The following NKAIN2 variants were observed in gnomAD, a reference collection of about 807,000 sequenced individuals.
NKAIN2 encodes the protein sodium/potassium-transporting ATPase subunit beta-1-interacting protein 2.
In NKAIN2, 14 loss-of-function variants were observed where a neutral mutation model predicts 32.6. The observed-to-expected ratio is 0.43, with a 90% CI of 0.28 to 0.67. The LOEUF is 0.67. Among genes scored for constraint, NKAIN2 ranks in the 30% least tolerant of loss-of-function variants. The pLI is 0.17. For synonymous variants in NKAIN2, 80 were observed against 87.2 expected (o/e 0.92, Z 0.46); for missense variants, 198 against 258.3 (o/e 0.77, Z 1.60).
chr6:123,823,594 G>T (rs1005698942), intron 1 of NKAIN2, among the ~76,000 whole-genome samples: 2 of 152,134 alleles, frequency 1.3e-5, no homozygotes, highest in Non-Finnish European at 1.5e-5. Context: ...TAGAGGTCAA[G>T]CTTATCAACT....
chr6:124,552,457 C>G (rs1780324603), intron 3 of NKAIN2, among the ~76,000 whole-genome samples: 1 of 152,218 alleles, frequency 6.6e-6, no homozygotes, highest in Non-Finnish European at 1.5e-5. Context: ...GTGGCCAACT[C>G]TGACCGTTTC....
At chr6:124,233,955 T>C (rs908899881) in intron 1 of NKAIN2, among the ~76,000 whole-genome samples, 8 of 152,186 alleles carry the variant, frequency 5.3e-5, no homozygotes, top group African/African-American at 1.9e-4. Flanking sequence ...TTTGAGTGAT[T>C]AGTTCTCAAT....
At chr6:124,671,181 A>T (rs1583618560) in intron 4 of NKAIN2, among the ~76,000 whole-genome samples, 1 of 152,102 alleles carries the variant, frequency 6.6e-6, no homozygotes, top group African/African-American at 2.4e-5. Context: ...CAACCCACAC[A>T]TCACAATTTA....
chr6:124,318,292 A>T (rs9491116), intron 2 of NKAIN2, among the ~76,000 whole-genome samples: 4,394 of 151,878 alleles, frequency 0.029, 193 homozygotes, highest in African/African-American at 0.1. Context: ...AATTTTGTCA[A>T]ACTTTGTCAC....
intron 1 of NKAIN2, among the ~76,000 whole-genome samples, chr6:123,875,199 C>CT (rs1554218270): frequency 3.3e-5 from 5 of 151,628 alleles, no homozygotes; most frequent in African/African-American, 9.7e-5. Context: ...TTTCTAAACA[C>CT]TTTTTTTTAC....
In NKAIN2 at chr6:124,563,142, A is replaced by G. The variant is rs187782741; in HGVS notation, c.274-95044A>G. On this transcript the variant is annotated intron_variant, in intron 3 of 6. Transcript: ENST00000368417. ...GCTGGTCTCAAACTCCTGACCTTGT[A>G]ATCTGCCCCCCTTGGCCTCCCAATG... Among the ~76,000 whole-genome samples, 316 of 150,512 alleles carry G rather than the reference A, an allele frequency of 2.1e-3. 1 individual carries two copies. Among genetic ancestry groups the G allele is most frequent in the East Asian group, 0.017 (90 of 5,144 alleles).
At chr6:123,993,596 A>G (rs550651546) in intron 1 of NKAIN2, among the ~76,000 whole-genome samples, 1 of 152,172 alleles carries the variant, frequency 6.6e-6, no homozygotes, top group Non-Finnish European at 1.5e-5. Flanking sequence ...AATACCGTGG[A>G]ATCAGTGAGA....
At chr6:124,033,488 T>A (rs770204134) in intron 1 of NKAIN2, among the ~76,000 whole-genome samples, 25 of 152,252 alleles carry the variant, frequency 1.6e-4, no homozygotes, top group Non-Finnish European at 2.5e-4. Flanking sequence ...ATCAATTATA[T>A]CTCACAGTTA....
intron 2 of NKAIN2, among the ~76,000 whole-genome samples, chr6:124,350,006 A>T (rs540502359): frequency 8.5e-4 from 130 of 152,306 alleles, no homozygotes; most frequent in African/African-American, 3.0e-3. Flanking sequence ...CAATATCTCA[A>T]AGTTTCTGTC....
chr6:124,581,165 C>T (rs575661920), intron 3 of NKAIN2, among the ~76,000 whole-genome samples: 3 of 152,224 alleles, frequency 2.0e-5, no homozygotes, highest in African/African-American at 7.2e-5. Context: ...TTGGGCCGGG[C>T]GCGGTGGCTC....
At chr6:124,524,606 C>A (rs1324542937) in intron 3 of NKAIN2, among the ~76,000 whole-genome samples, 1 of 152,098 alleles carries the variant, frequency 6.6e-6, no homozygotes, top group African/African-American at 2.4e-5. Context: ...AAAAGTAGGG[C>A]ATATGTTGTT....
chr6:124,382,082 C>G (rs538980585), intron 3 of NKAIN2, among the ~76,000 whole-genome samples: 1 of 151,314 alleles, frequency 6.6e-6, no homozygotes, highest in Non-Finnish European at 1.5e-5. Context: ...CTTTTTCTCT[C>G]ATTGTTAGAT....
chr6:124,236,157 C>G (rs953737905), intron 1 of NKAIN2, among the ~76,000 whole-genome samples: 4 of 151,830 alleles, frequency 2.6e-5, no homozygotes, highest in Non-Finnish European at 5.9e-5. Flanking sequence ...TCTATTAAAT[C>G]CATTTTTCTC....
chr6:124,673,523 G>A (rs568163167), intron 4 of NKAIN2, among the ~76,000 whole-genome samples: 46 of 151,926 alleles, frequency 3.0e-4, no homozygotes, highest in South Asian at 6.2e-4. Context: ...TCTCCACATC[G>A]TTGTCAACAC....
chr6:124,539,128 A>T (rs1445227540), intron 3 of NKAIN2, among the ~76,000 whole-genome samples: 1 of 152,214 alleles, frequency 6.6e-6, no homozygotes, highest in South Asian at 2.1e-4. Flanking sequence ...AGAGATTCAG[A>T]AAAATGTTTA....
intron 1 of NKAIN2, among the ~76,000 whole-genome samples, chr6:124,166,140 A>C (rs1339696960): frequency 2.2e-5 from 3 of 134,274 alleles, no homozygotes; most frequent in South Asian, 2.8e-4. Flanking sequence ...CCAACAGTGT[A>C]AAAGTGTTCC....
intron 3 of NKAIN2, among the ~76,000 whole-genome samples, chr6:124,570,777 C>T (rs1781097211): frequency 6.6e-6 from 1 of 152,160 alleles, no homozygotes; most frequent in African/African-American, 2.4e-5. Context: ...CATACAGAGT[C>T]CCTACTTGGG....
At chr6:124,679,404 T>C (rs945099466) in intron 4 of NKAIN2, among the ~76,000 whole-genome samples, 2 of 152,154 alleles carry the variant, frequency 1.3e-5, no homozygotes, top group Non-Finnish European at 2.9e-5. Flanking sequence ...AAAGTATGAA[T>C]GTCGGACATA....
At chr6:124,236,158 C>T (rs1268613959) in intron 1 of NKAIN2, among the ~76,000 whole-genome samples, 1 of 151,822 alleles carries the variant, frequency 6.6e-6, no homozygotes, top group Non-Finnish European at 1.5e-5. Context: ...CTATTAAATC[C>T]ATTTTTCTCA....
Sources: allele counts gnomAD v4.1 joint callset (sites outside exome capture counted in the v4.1 genomes callset), GRCh38; gene constraint gnomAD v4.1.1; transcripts MANE v1.5; gene names NCBI Gene and HGNC (gene_info 2026-07-23, HGNC 2026-07-21).